Variants in ATP11A observed in about 807,000 individuals in gnomAD.
ATP11A encodes the protein ATPase phospholipid transporting 11A.
A neutral mutation model predicts 154.4 loss-of-function variants in ATP11A; 81 were observed. That is an observed-to-expected ratio of 0.52 (90% CI 0.44 to 0.63). ATP11A has a LOEUF of 0.63. Ranked by LOEUF, ATP11A falls within the 30% of genes least tolerant of loss-of-function variation. The pLI is 0.00. For missense variants in ATP11A, 1,316 were observed against 1,474.3 expected (o/e 0.89, Z 1.76); for synonymous variants, 623 against 585.9 (o/e 1.06, Z -0.91).
intron 1 of ATP11A, among the ~76,000 whole-genome samples, chr13:112,767,936 C>T (rs1023306701): frequency 1.1e-4 from 17 of 152,144 alleles, no homozygotes; most frequent in East Asian, 3.9e-4. Context: ...GAACCCCCTC[C>T]GGCTCCTCAC....
intron 2 of ATP11A, among the ~76,000 whole-genome samples, chr13:112,797,610 G>C (rs927226471): frequency 6.6e-6 from 1 of 152,112 alleles, no homozygotes; most frequent in Non-Finnish European, 1.5e-5. Context: ...AGGAAGAAAA[G>C]AATAATGTAA....
At chr13:112,806,076 G>C (rs1262007121) in intron 3 of ATP11A, 137 bp from the exon 4 acceptor site, 1 of 611,762 alleles carries the variant, frequency 1.6e-6, no homozygotes, top group Non-Finnish European at 2.9e-6. Flanking sequence ...TATCTCCCGT[G>C]GTGGGCAGTC....
intron 1 of ATP11A, among the ~76,000 whole-genome samples, chr13:112,783,543 C>T (rs868284432): frequency 9.8e-5 from 15 of 152,354 alleles, no homozygotes; most frequent in African/African-American, 3.4e-4. Flanking sequence ...AGCCCTTCGA[C>T]GGCAGTGCCC....
chr13:112,842,176 G>A (rs1220494637), intron 16 of ATP11A, 100 bp from the exon 17 acceptor site: 2 of 926,840 alleles, frequency 2.2e-6, no homozygotes, highest in African/African-American at 3.3e-5. Context: ...TTTCCACACT[G>A]CTATCCCTGT....
intron 1 of ATP11A, among the ~76,000 whole-genome samples, chr13:112,704,276 C>T (rs1044378198): frequency 4.6e-5 from 7 of 152,168 alleles, no homozygotes; most frequent in African/African-American, 1.7e-4. Flanking sequence ...TTGTTGTACG[C>T]ACAACTCAGA....
chr13:112,881,086 T>G, intron 29 of ATP11A: 1 of 987,390 alleles, frequency 1.0e-6, no homozygotes, highest in Non-Finnish European at 1.2e-6. Flanking sequence ...AGCACATAGC[T>G]TGTCGCCTCT....
intron 1 of ATP11A, among the ~76,000 whole-genome samples, chr13:112,783,449 G>A (rs1366637186): frequency 6.6e-6 from 1 of 152,242 alleles, no homozygotes; most frequent in Non-Finnish European, 1.5e-5. Context: ...CTGAGAAAGT[G>A]CTGGTGTCCC....
chr13:112,780,359 G>A (rs1374200684), intron 1 of ATP11A, among the ~76,000 whole-genome samples: 18 of 152,064 alleles, frequency 1.2e-4, no homozygotes. Context: ...GCCATCAGCA[G>A]CCATTTGCCC....
At position 112,886,732 on chromosome 13, in the gene ATP11A, T is replaced by TA. The variant is rs1436025657; in HGVS notation, c.*4866_*4867insA. ...TATACAGAATTTTAATATGCATATATTGTGTCTGACTTAAAATTATAATGT... is the reference window on the plus strand; with the variant it reads ...TATACAGAATTTTAATATGCATATATATGTGTCTGACTTAAAATTATAATGT... On this transcript the variant is annotated 3_prime_UTR_variant, in exon 30 of 30. Coordinates refer to ENST00000375645, the MANE Select transcript of ATP11A (RefSeq NM_015205.3). 3 of 152,626 alleles carry TA rather than the reference T, an allele frequency of 2.0e-5. No homozygotes were observed. The highest frequency in any genetic ancestry group is 4.4e-5 in the Non-Finnish European group (3 of 68,048). The allele number at this position is 152,626 out of a possible 1,614,324, so 9.5% of individuals were successfully genotyped here. A position where few individuals can be genotyped will look rare whatever the true frequency, so the allele number is the denominator to read the frequency against.
At chr13:112,865,102 C>G (rs1430410908) in intron 25 of ATP11A, among the ~76,000 whole-genome samples, 79 of 103,168 alleles carry the variant, frequency 7.7e-4, no homozygotes, top group South Asian at 2.4e-3. Context: ...TTCAGTGCAG[C>G]CCATGCAGCT....
At chr13:112,806,452 A>G (rs1025989654) in intron 4 of ATP11A, among the ~76,000 whole-genome samples, 159 bp downstream of exon 4, 19 of 152,216 alleles carry the variant, frequency 1.2e-4, no homozygotes, top group Non-Finnish European at 2.6e-4. Flanking sequence ...TGATACTTGA[A>G]GCGAAATAAG....
chr13:112,832,995 G>A lies in ATP11A; in HGVS notation c.1531G>A (p.Glu511Lys), dbSNP rs1287567670. 4 of 1,613,314 alleles carry A rather than the reference G, an allele frequency of 2.5e-6. No homozygotes were observed. The highest frequency in any genetic ancestry group is 3.4e-6 in the Non-Finnish European group (4 of 1,179,816). The part of the protein sequence containing the change: ...SCVYISSSPD[E>K]VALVEGVQRL... ...TGTGTACATCTCATCCTCGCCCGAC[G>A]AGGTGGCGCTGGTCGAAGGTGTCCA... is the stretch of plus-strand genomic sequence containing the variant. Residue 511 changes from glutamate (E) to lysine (K), a missense_variant, in exon 14 of 30, where the codon GAG becomes AAG. Glu to Lys is a moderately conservative substitution (Grantham distance 56, BLOSUM62 1). Coordinates refer to ENST00000375645, the MANE Select transcript of ATP11A (RefSeq NM_015205.3).
chr13:112,712,032 C>T (rs986780114), intron 1 of ATP11A, among the ~76,000 whole-genome samples: 1 of 152,210 alleles, frequency 6.6e-6, no homozygotes, highest in Non-Finnish European at 1.5e-5. Flanking sequence ...GAACAGCTGG[C>T]TGCAGTGTCA....
At chr13:112,851,284 T>C in intron 18 of ATP11A, 66 bp downstream of exon 18, 1 of 1,535,686 alleles carries the variant, frequency 6.5e-7, no homozygotes, top group Non-Finnish European at 8.8e-7. Flanking sequence ...GCCCAGGGCG[T>C]GTGAGGGCGA....
intron 11 of ATP11A, among the ~76,000 whole-genome samples, chr13:112,825,962 G>A (rs1594806080): frequency 6.6e-6 from 1 of 151,638 alleles, no homozygotes; most frequent in Non-Finnish European, 1.5e-5. Context: ...TGTGCAAACC[G>A]AGACCTGTGT....
rs984087699 is a variant in ATP11A, at chr13:112,753,112, A to C, written c.40-32023A>C. Among the ~76,000 whole-genome samples the C allele has an allele frequency of 2.0e-5, 3 of 152,154 alleles. No individual in the cohort carries two copies. Among genetic ancestry groups the C allele is most frequent in the African/African-American group, 7.2e-5 (3 of 41,422 alleles). On this transcript the variant is annotated intron_variant, in intron 1 of 29. Coordinates refer to ENST00000375645, the MANE Select transcript of ATP11A (RefSeq NM_015205.3). This position sits in a 1 kb window ranked among gnomAD's most constrained non-coding sequence, Gnocchi z 4.1. ...CCCAATGACATATACGGTGGCTTAC[A>C]GTTACCCCGGCCCAGACTTTTTTCT... is the stretch of plus-strand genomic sequence containing the variant.
Position 112,861,119 on chromosome 13 carries a change from T to C in ATP11A, c.2855+705T>C, listed in dbSNP as rs114210478. Among the ~76,000 whole-genome samples, 214 of 152,032 alleles carry C rather than the reference T, an allele frequency of 1.4e-3. 3 individuals are homozygous for C. The highest frequency in any genetic ancestry group is 5.0e-3 in the African/African-American group (206 of 41,460). ...ACAGGAGAGCGTGTGCAGGAGAACT[T>C]TCCTTTATAAAACCATCAGATATCG... On this transcript the variant is annotated intron_variant, in intron 24 of 29. Coordinates refer to ENST00000375645, the MANE Select transcript of ATP11A (RefSeq NM_015205.3).
At chr13:112,827,229 C>T (rs1033046129) in intron 12 of ATP11A, among the ~76,000 whole-genome samples, 3 of 152,184 alleles carry the variant, frequency 2.0e-5, no homozygotes, top group Non-Finnish European at 2.9e-5. Context: ...AGTCTCATGG[C>T]GAGCTGGGTA....
Position 112,785,241 on chromosome 13 carries a change from G to A in ATP11A, c.146G>A (p.Arg49Lys), listed in dbSNP as rs530661358. ...ATCCCACAGAGATACCCAGACAACAGGATCGTCTCGTCCAAGGTAACTTGG... is the reference window on the plus strand; with the variant it reads ...ATCCCACAGAGATACCCAGACAACAAGATCGTCTCGTCCAAGGTAACTTGG... ...AYIPQRYPDN[R>K]IVSSKYTFWN... The change falls in exon 2 of 30, where the codon AGG becomes AAG. Residue 49 changes from arginine to lysine, a missense_variant. Arg to Lys is a conservative substitution (Grantham distance 26, BLOSUM62 2). Coordinates refer to ENST00000375645, the MANE Select transcript of ATP11A (RefSeq NM_015205.3). The surrounding 1 kb of genome is among the most constrained non-coding windows in gnomAD (Gnocchi z 4.8). 2.0e-6 allele frequency: 3 copies of A among 1,538,040 alleles called. No individual in the cohort carries two copies. Among genetic ancestry groups the A allele is most frequent in the East Asian group, 5.0e-5 (2 of 40,154 alleles).
Sources: gnomAD v4.1 joint callset for allele counts (sites outside exome capture counted in the v4.1 genomes callset) on GRCh38, gnomAD v4.1.1 for gene constraint, Gnocchi (gnomAD v3.1) non-coding constraint, MANE v1.5 for transcripts, NCBI Gene and HGNC (gene_info 2026-07-23, HGNC 2026-07-21) for gene names.